Variants in CPEB4 observed in about 807,000 individuals in gnomAD.
CPEB4 encodes the protein cytoplasmic polyadenylation element-binding protein 4.
In CPEB4, 12 loss-of-function variants were observed where a neutral mutation model predicts 72.5. The observed-to-expected ratio is 0.17, with a 90% CI of 0.11 to 0.27. The LOEUF (loss-of-function observed/expected upper bound fraction) is 0.27. Ranked by LOEUF, CPEB4 falls within the 10% of genes least tolerant of loss-of-function variation. The pLI, the probability that CPEB4 is intolerant of heterozygous loss-of-function variation, is 1.00. For missense variants in CPEB4, 614 were observed against 908.5 expected (o/e 0.68, Z 4.17); for synonymous variants, 302 against 326.3 (o/e 0.93, Z 0.80).
chr5:173,930,882 G>A (rs1337898600), intron 2 of CPEB4, among the ~76,000 whole-genome samples: 6 of 151,398 alleles, frequency 4.0e-5, no homozygotes. Context: ...CCAGCTACTT[G>A]GGAGGCTGAG....
At position 173,943,059 on chromosome 5, in the gene CPEB4, TTTTTAACTTTTAAA is replaced by T. The variant is rs763966608; in HGVS notation, c.1282+12_1282+25del. ...TATGGGCGAAGGAGAGGTAACATTG[TTTTTAACTTTTAAA>T]TGTATCACTTGTATTTGGAGACGAC... On this transcript the variant is annotated intron_variant, in intron 4 of 9. Transcript: ENST00000265085. 2.5e-6 allele frequency: 4 copies of T among 1,610,836 alleles called. No individual in the cohort carries two copies. In the African/African-American group the frequency reaches 5.4e-5, roughly 22 times the overall value.
At chr5:173,934,835 A>C (rs192765933) in intron 3 of CPEB4, among the ~76,000 whole-genome samples, 18 of 152,328 alleles carry the variant, frequency 1.2e-4, no homozygotes, top group Non-Finnish European at 2.5e-4. Flanking sequence ...GACCTTGATC[A>C]AGATATGCAC....
At position 173,955,528 on chromosome 5, in the gene CPEB4, G is replaced by A. The variant is rs1255605554; in HGVS notation, c.1963-382G>A. ...AACTTGGATCATCTTAGTTGATTTTGTTTAAATTATGATTCCACATATGAC... is the reference window on the plus strand; with the variant it reads ...AACTTGGATCATCTTAGTTGATTTTATTTAAATTATGATTCCACATATGAC... On this transcript the variant is annotated intron_variant, in intron 9 of 9. Transcript: ENST00000265085. This position sits in a 1 kb window ranked among gnomAD's most constrained non-coding sequence, Gnocchi z 4.7. Among the ~76,000 whole-genome samples the A allele has an allele frequency of 6.6e-6, 1 of 152,084 alleles. No homozygotes were observed. The highest frequency in any genetic ancestry group is 1.9e-4 in the East Asian group (1 of 5,182).
At chr5:173,898,225 T>A (rs1457428656) in intron 1 of CPEB4, among the ~76,000 whole-genome samples, 1 of 152,214 alleles carries the variant, frequency 6.6e-6, no homozygotes, top group Admixed American at 6.5e-5. Context: ...TAAATAATAG[T>A]TCTTCCAGGT....
rs1758538679 is a variant in CPEB4, at chr5:173,961,154, G to A, written c.*5017G>A. 1 of 152,130 alleles carries A rather than the reference G, an allele frequency of 6.6e-6. No individual in the cohort carries two copies. Among genetic ancestry groups the A allele is most frequent in the African/African-American group, 2.4e-5 (1 of 41,426 alleles). 9.4% of individuals were successfully genotyped at this position (152,130 alleles called of 1,614,324 possible). ...ACTATAGAGATTACTGAGGGTAAGG[G>A]CAGGCTGGACAGCTTCCCCTTTCTC... On this transcript the variant is annotated 3_prime_UTR_variant, in exon 10 of 10. Coordinates refer to ENST00000265085, the MANE Select transcript of CPEB4 (RefSeq NM_030627.4).
intron 1 of CPEB4, among the ~76,000 whole-genome samples, chr5:173,905,480 C>A (rs1286610690): frequency 6.6e-6 from 1 of 151,958 alleles, no homozygotes; most frequent in Non-Finnish European, 1.5e-5. Flanking sequence ...GTTACAGGCA[C>A]CTGCCACCAC....
At position 173,958,410 on chromosome 5, in the gene CPEB4, T is replaced by C. The variant is rs1758444223; in HGVS notation, c.*2273T>C. On this transcript the variant is annotated 3_prime_UTR_variant, in exon 10 of 10. Transcript: ENST00000265085. ...TTTTTGTACTTTTATTACTGAGAGA[T>C]CTTCATATACTTCATTTTTTAATAT... 1 of 152,660 alleles carries C rather than the reference T, an allele frequency of 6.6e-6. No homozygotes were observed. The highest frequency in any genetic ancestry group is 2.4e-5 in the African/African-American group (1 of 41,452). 9.5% of individuals were successfully genotyped at this position (152,660 alleles called of 1,614,324 possible). A position where few individuals can be genotyped will look rare whatever the true frequency, so the allele number is the denominator to read the frequency against.
rs1247563507 is a variant in CPEB4, at chr5:173,900,223, T to C, written c.1125+9365T>C. Among the ~76,000 whole-genome samples, 1 of 151,988 alleles carries C rather than the reference T, an allele frequency of 6.6e-6. No homozygotes were observed. The highest frequency in any genetic ancestry group is 1.5e-5 in the Non-Finnish European group (1 of 68,000). Reference sequence around the variant, plus strand: ...GAGTTCGAGACCAGCCTGACCAATATGGAGAAACCCCATCTCTACTAAAAA... The same window carrying C: ...GAGTTCGAGACCAGCCTGACCAATACGGAGAAACCCCATCTCTACTAAAAA... On this transcript the variant is annotated intron_variant, in intron 1 of 9. Transcript: ENST00000265085. This position sits in a 1 kb window ranked among gnomAD's most constrained non-coding sequence, Gnocchi z 4.4.
rs935107250 is a variant in CPEB4 at position 173,958,661 on chromosome 5, A to G, written c.*2524A>G. 3.3e-5 allele frequency: 5 copies of G among 152,388 alleles called. No individual in the cohort carries two copies. Among genetic ancestry groups the G allele is most frequent in the African/African-American group, 4.8e-5 (2 of 41,442 alleles). 9.4% of individuals were successfully genotyped at this position (152,388 alleles called of 1,614,324 possible). The stretch of plus-strand genomic sequence containing the variant: ...TCACAAATTAATGAAAAAAATTCGC[A>G]TGAAAATGACAGATAACACTGTAGT... On this transcript the variant is annotated 3_prime_UTR_variant, in exon 10 of 10. Coordinates refer to ENST00000265085, the MANE Select transcript of CPEB4 (RefSeq NM_030627.4).
Position 173,955,895 on chromosome 5 carries a change from T to C in CPEB4, c.1963-15T>C, listed in dbSNP as rs952492497. 1.3e-5 allele frequency: 21 copies of C among 1,600,880 alleles called. No individual in the cohort carries two copies. The highest frequency in any genetic ancestry group is 1.7e-5 in the Non-Finnish European group (20 of 1,169,684). On this transcript the variant is annotated splice_polypyrimidine_tract_variant and intron_variant, in intron 9 of 9. Transcript: ENST00000265085. This position sits in a 1 kb window ranked among gnomAD's most constrained non-coding sequence, Gnocchi z 4.7. ...CTAGTCACTGAAAAATGTAAACTCTTATTTTTGATTGCAGGTGGAAGTTAA... is the reference window on the plus strand; with the variant it reads ...CTAGTCACTGAAAAATGTAAACTCTCATTTTTGATTGCAGGTGGAAGTTAA...
chr5:173,890,339 C>T lies in CPEB4; in HGVS notation c.606C>T (p.Asn202=), dbSNP rs1755763232. 1.9e-6 allele frequency: 3 copies of T among 1,614,170 alleles called. No individual in the cohort carries two copies. Reference sequence around the variant, plus strand: ...GGGTCCCTGCTGCTTCGGCTAATAACGGTGCTCTGTTGTTTCAAAATTTCC... The same window carrying T: ...GGGTCCCTGCTGCTTCGGCTAATAATGGTGCTCTGTTGTTTCAAAATTTCC... ...QGGVPAASAN[N]GALLFQNFPH... The change falls in exon 1 of 10, where the codon AAC becomes AAT. Residue 202 remains asparagine, a synonymous_variant. Coordinates refer to ENST00000265085, the MANE Select transcript of CPEB4 (RefSeq NM_030627.4).
chr5:173,889,995 C>G lies in CPEB4; in HGVS notation c.262C>G (p.Gln88Glu). 1 of 1,614,170 alleles carries G rather than the reference C, an allele frequency of 6.2e-7. No individual in the cohort carries two copies. Among genetic ancestry groups the G allele is most frequent in the Non-Finnish European group, 8.5e-7 (1 of 1,180,034 alleles). Residue 88 changes from glutamine to glutamate, a missense_variant, in exon 1 of 10, where the codon CAA becomes GAA. Transcript: ENST00000265085. ...EKAKSQQQEQ[Q>E]DPLEKQQLSP... Reference sequence around the variant, plus strand: ...AGCAAAAAGTCAGCAACAGGAACAGCAAGACCCCTTAGAAAAGCAGCAGCT... The same window carrying G: ...AGCAAAAAGTCAGCAACAGGAACAGGAAGACCCCTTAGAAAAGCAGCAGCT...
chr5:173,905,699 ATGGACTTTGATTAGTGGGCAAAAGTGG>A (rs1018597402), intron 1 of CPEB4, among the ~76,000 whole-genome samples: 4 of 152,164 alleles, frequency 2.6e-5, no homozygotes, highest in African/African-American at 9.7e-5. Context: ...GGCAAAAGTG[ATGGACTTTGATTAGTGGGCAAAAGTGG>A]TGGACTTTGA....
At chr5:173,895,403 G>A (rs1413629159) in intron 1 of CPEB4, among the ~76,000 whole-genome samples, 4 of 152,102 alleles carry the variant, frequency 2.6e-5, no homozygotes, top group Non-Finnish European at 5.9e-5. Flanking sequence ...CTAAGAGTCA[G>A]GTAGGAAGGA....
At chr5:173,954,964 TCTCA>T (rs1758332585) in intron 9 of CPEB4, among the ~76,000 whole-genome samples, 1 of 151,988 alleles carries the variant, frequency 6.6e-6, no homozygotes, top group Non-Finnish European at 1.5e-5. Flanking sequence ...AGAGGGAGGG[TCTCA>T]CTCTGTCACC....
In CPEB4 at chr5:173,960,381, T is replaced by C. The variant is rs1758510402; in HGVS notation, c.*4244T>C. Reference sequence around the variant, plus strand: ...TTTCTTGACTGGGAATGTAACATTTTAAAATATTAGGAATATACTGTTCAG... The same window carrying C: ...TTTCTTGACTGGGAATGTAACATTTCAAAATATTAGGAATATACTGTTCAG... On this transcript the variant is annotated 3_prime_UTR_variant, in exon 10 of 10. Coordinates refer to ENST00000265085, the MANE Select transcript of CPEB4 (RefSeq NM_030627.4). 6.5e-6 allele frequency: 1 copy of C among 152,700 alleles called. No individual in the cohort carries two copies. Among genetic ancestry groups the C allele is most frequent in the Admixed American group, 6.5e-5 (1 of 15,276 alleles). The allele number at this position is 152,700 out of a possible 1,614,324, so 9.5% of individuals were successfully genotyped here. A position where few individuals can be genotyped will look rare whatever the true frequency, so the allele number is the denominator to read the frequency against.
intron 2 of CPEB4, among the ~76,000 whole-genome samples, chr5:173,929,256 A>T (rs1365439603): frequency 6.6e-6 from 1 of 152,242 alleles, no homozygotes; most frequent in Admixed American, 6.5e-5. Flanking sequence ...TAATAGAGTT[A>T]AGAGACCGTT....
rs772383887 is a variant in CPEB4 at position 173,889,868 on chromosome 5, AAAT to A, written c.141_143del (p.Asn48del). ...CCACCCCCAGCCCTGCTGCTTTTAT[AAAT>A]AATAACACAGCTGCCAATGGCAGCA... On this transcript the variant is annotated inframe_deletion, in exon 1 of 10. Coordinates refer to ENST00000265085, the MANE Select transcript of CPEB4 (RefSeq NM_030627.4). 7.6e-5 allele frequency: 123 copies of A among 1,614,024 alleles called. No individual in the cohort carries two copies. The highest frequency in any genetic ancestry group is 9.3e-5 in the Non-Finnish European group (110 of 1,180,014).
chr5:173,944,005 A>C (rs1240962691), intron 4 of CPEB4, among the ~76,000 whole-genome samples: 2 of 152,192 alleles, frequency 1.3e-5, no homozygotes, highest in Non-Finnish European at 2.9e-5. Context: ...CTTATGATTT[A>C]AAAGTTTATA....
Sources: gnomAD v4.1 joint callset for allele counts (sites outside exome capture counted in the v4.1 genomes callset) on GRCh38, gnomAD v4.1.1 for gene constraint, Gnocchi (gnomAD v3.1) non-coding constraint, MANE v1.5 for transcripts, NCBI Gene and HGNC (gene_info 2026-07-23, HGNC 2026-07-21) for gene names.